Variants in DNMBP observed in about 807,000 individuals in gnomAD.
DNMBP encodes the protein dynamin-binding protein.
DNMBP carries 87 observed loss-of-function variants against 150.0 expected under a neutral mutation model. The observed-to-expected ratio is 0.58, with a 90% confidence interval of 0.49 to 0.69. DNMBP has a LOEUF of 0.69. DNMBP is among the 30% of genes least tolerant of loss of function. DNMBP has a pLI of 0.00. For missense variants in DNMBP, 1,774 were observed against 1,949.0 expected (o/e 0.91, Z 1.69); for synonymous variants, 711 against 750.4 (o/e 0.95, Z 0.86).
At chr10:99,915,108 A>AAAAATATATAT (rs10654940) in intron 4 of DNMBP, among the ~76,000 whole-genome samples, 32 of 99,790 alleles carry the variant, frequency 3.2e-4, no homozygotes, top group Middle Eastern at 8.3e-3. Context: ...AAAAAAAAAA[A>AAAAATATATAT]ATATATATAT....
chr10:99,960,534 G>A (rs1038777892), intron 3 of DNMBP, among the ~76,000 whole-genome samples: 9 of 152,122 alleles, frequency 5.9e-5, no homozygotes, highest in African/African-American at 1.9e-4. Context: ...GGCCAGGTGC[G>A]GTGGCTCACG....
chr10:99,993,040 C>A (rs1033001931), intron 1 of DNMBP, among the ~76,000 whole-genome samples: 1 of 151,884 alleles, frequency 6.6e-6, no homozygotes, highest in Non-Finnish European at 1.5e-5. Context: ...CCTGACTCAA[C>A]ATAAAAATAA....
At chr10:99,980,446 CA>C (rs35133099) in intron 1 of DNMBP, among the ~76,000 whole-genome samples, 50,583 of 118,040 alleles carry the variant, frequency 0.43, 8,793 homozygotes, top group African/African-American at 0.46. Flanking sequence ...GACTCCGTCT[CA>C]AAAAAAAAAA....
chr10:99,896,246 C>A, intron 10 of DNMBP, 21 bp downstream of exon 10: 3 of 1,613,174 alleles, frequency 1.9e-6, no homozygotes, highest in Non-Finnish European at 2.5e-6. Context: ...TGCGCTAAGC[C>A]TTCCAGGATG....
intron 4 of DNMBP, among the ~76,000 whole-genome samples, chr10:99,940,848 A>T (rs1464743754): frequency 6.6e-6 from 1 of 152,028 alleles, no homozygotes; most frequent in African/African-American, 2.4e-5. Context: ...TGGAGACTTC[A>T]CCTTACTTGG....
chr10:99,940,901 T>C (rs1306690590), intron 4 of DNMBP, among the ~76,000 whole-genome samples: 8 of 152,176 alleles, frequency 5.3e-5, no homozygotes, highest in Admixed American at 2.0e-4. Flanking sequence ...CTTTCTTTTT[T>C]TGAGACAGAG....
intron 4 of DNMBP, among the ~76,000 whole-genome samples, chr10:99,940,887 T>A (rs1017323041): frequency 5.3e-5 from 8 of 152,140 alleles, no homozygotes; most frequent in African/African-American, 1.9e-4. Context: ...TCCTGTCACT[T>A]GCCCTTTCTT....
chr10:99,982,212 A>C (rs1281910481), intron 1 of DNMBP, among the ~76,000 whole-genome samples: 2 of 152,182 alleles, frequency 1.3e-5, no homozygotes, highest in Non-Finnish European at 2.9e-5. Flanking sequence ...TGGGAGGCAG[A>C]GGAGGGTGGA....
intron 4 of DNMBP, chr10:99,930,491 A>T: frequency 1.4e-6 from 1 of 703,002 alleles, no homozygotes; most frequent in Non-Finnish European, 2.6e-6. Context: ...CGTGGTACAC[A>T]CAGCCCTTTC....
intron 1 of DNMBP, among the ~76,000 whole-genome samples, chr10:99,983,046 T>C (rs1048128782): frequency 6.6e-6 from 1 of 151,922 alleles, no homozygotes; most frequent in Admixed American, 6.6e-5. Flanking sequence ...AAAACAGCTG[T>C]CTCTCCTTTC....
At chr10:99,928,980 C>CA (rs933662296) in intron 4 of DNMBP, among the ~76,000 whole-genome samples, 2 of 151,648 alleles carry the variant, frequency 1.3e-5, no homozygotes, top group Admixed American at 6.6e-5. Context: ...CCTGCCCCTA[C>CA]AAAAAAATAA....
chr10:100,007,191 T>G (rs1208762351), intron 1 of DNMBP, among the ~76,000 whole-genome samples: 1 of 152,000 alleles, frequency 6.6e-6, no homozygotes, highest in Non-Finnish European at 1.5e-5. Context: ...ACCACACATA[T>G]ACATACACAC....
At chr10:99,981,460 G>A (rs989616565) in intron 1 of DNMBP, among the ~76,000 whole-genome samples, 1 of 152,180 alleles carries the variant, frequency 6.6e-6, no homozygotes, top group South Asian at 2.1e-4. Context: ...GGGATTACAG[G>A]TATGAGCCAC....
At chr10:99,997,671 G>T (rs2040963131) in intron 1 of DNMBP, among the ~76,000 whole-genome samples, 1 of 152,058 alleles carries the variant, frequency 6.6e-6, no homozygotes, top group South Asian at 2.1e-4. Context: ...AGGAGGCCAG[G>T]TGCGGTGGCT....
At chr10:100,006,292 T>C (rs2041070344) in intron 1 of DNMBP, among the ~76,000 whole-genome samples, 1 of 152,242 alleles carries the variant, frequency 6.6e-6, no homozygotes, top group Non-Finnish European at 1.5e-5. Context: ...TTTCAGGTCA[T>C]CTGAAGCGAT....
At chr10:99,911,994 T>A (rs1034706191) in intron 4 of DNMBP, among the ~76,000 whole-genome samples, 1 of 152,214 alleles carries the variant, frequency 6.6e-6, no homozygotes, top group African/African-American at 2.4e-5. Flanking sequence ...GGAGAACATT[T>A]ACTGAATTCC....
At chr10:99,894,074 G>A (rs1296594924) in intron 11 of DNMBP, among the ~76,000 whole-genome samples, 1 of 152,022 alleles carries the variant, frequency 6.6e-6, no homozygotes, top group African/African-American at 2.4e-5. Context: ...ACTTCGGGAG[G>A]CCAGTTTAAG....
intron 10 of DNMBP, among the ~76,000 whole-genome samples, chr10:99,895,797 T>G (rs1440221032): frequency 6.6e-6 from 1 of 152,228 alleles, no homozygotes; most frequent in South Asian, 2.1e-4. Flanking sequence ...AACCTAACAA[T>G]GGACTATTTT....
At chr10:100,002,293 C>A (rs1444231558) in intron 1 of DNMBP, among the ~76,000 whole-genome samples, 1 of 150,116 alleles carries the variant, frequency 6.7e-6, no homozygotes, top group Admixed American at 6.6e-5. Context: ...TATAATTTCA[C>A]AATTAGGAAA....
Sources: allele counts gnomAD v4.1 joint callset (sites outside exome capture counted in the v4.1 genomes callset), GRCh38; gene constraint gnomAD v4.1.1; transcripts MANE v1.5; gene names NCBI Gene and HGNC (gene_info 2026-07-23, HGNC 2026-07-21).